The following ADGRB3 variants were observed in gnomAD, a reference collection of about 807,000 sequenced individuals.
ADGRB3 encodes brain-specific angiogenesis inhibitor 3.
In ADGRB3, 37 loss-of-function variants were observed where a neutral mutation model predicts 193.4. That is an observed-to-expected ratio of 0.19 (90% confidence interval 0.15 to 0.25). ADGRB3 has a LOEUF of 0.25. ADGRB3 is among the 10% of genes least tolerant of loss of function. The pLI is 1.00. For synonymous variants in ADGRB3, 690 were observed against 644.2 expected (o/e 1.07, Z -1.08); for missense variants, 1,637 against 1,852.9 (o/e 0.88, Z 2.14).
At chr6:68,989,855 G>T (rs778229722) in intron 10 of ADGRB3, among the ~76,000 whole-genome samples, 10 of 152,066 alleles carry the variant, frequency 6.6e-5, no homozygotes, top group African/African-American at 1.4e-4. Flanking sequence ...CTCTGATATT[G>T]ATTTTGAAGA....
intron 20 of ADGRB3, among the ~76,000 whole-genome samples, chr6:69,274,445 T>TTTCCTTCCTTCCTTCCTTCC (rs550005820): frequency 0.016 from 1,989 of 123,366 alleles, 95 homozygotes; most frequent in African/African-American, 0.039. Flanking sequence ...GGTGGTTGCA[T>TTTCCTTCCTTCCTTCCTTCC]TTCCTTCCTT....
At chr6:68,981,452 T>G (rs1768906870) in intron 10 of ADGRB3, among the ~76,000 whole-genome samples, 1 of 151,630 alleles carries the variant, frequency 6.6e-6, no homozygotes, top group Non-Finnish European at 1.5e-5. Context: ...TATGTCAGAG[T>G]TTACAACATA....
chr6:69,257,371 C>T (rs1045205983), intron 20 of ADGRB3, among the ~76,000 whole-genome samples: 4 of 152,292 alleles, frequency 2.6e-5, no homozygotes, highest in Non-Finnish European at 4.4e-5. Flanking sequence ...ATTATTGCCA[C>T]AATTTCAGAG....
chr6:69,052,360 T>C (rs1562138668), intron 15 of ADGRB3, among the ~76,000 whole-genome samples: 1 of 152,234 alleles, frequency 6.6e-6, no homozygotes, highest in African/African-American at 2.4e-5. Context: ...AAGATCTTCT[T>C]ATTCAACATA....
At chr6:69,170,660 T>C (rs1183606237) in intron 17 of ADGRB3, among the ~76,000 whole-genome samples, 1 of 152,182 alleles carries the variant, frequency 6.6e-6, no homozygotes, top group Admixed American at 6.5e-5. Flanking sequence ...GAAAAGGTGT[T>C]CTCTGCCGTA....
At chr6:69,349,024 G>A (rs1769167851) in intron 26 of ADGRB3, among the ~76,000 whole-genome samples, 1 of 152,144 alleles carries the variant, frequency 6.6e-6, no homozygotes, top group Non-Finnish European at 1.5e-5. Flanking sequence ...TCCATTCCCA[G>A]CTCTGCTACT....
At chr6:69,191,309 C>A (rs59188977) in intron 17 of ADGRB3, among the ~76,000 whole-genome samples, 339 of 151,978 alleles carry the variant, frequency 2.2e-3, no homozygotes, top group African/African-American at 7.7e-3. Context: ...GAGCCTTTTT[C>A]AATACAAAAG....
chr6:69,378,749 G>A (rs927584786), intron 30 of ADGRB3, among the ~76,000 whole-genome samples: 1 of 151,936 alleles, frequency 6.6e-6, no homozygotes, highest in Non-Finnish European at 1.5e-5. Context: ...ATCCAACTTG[G>A]AGAAATATGC....
At chr6:69,073,980 C>A (rs774360122) in intron 16 of ADGRB3, among the ~76,000 whole-genome samples, 1 of 152,052 alleles carries the variant, frequency 6.6e-6, no homozygotes, top group Non-Finnish European at 1.5e-5. Flanking sequence ...ACATGACAAT[C>A]GTGATTTAAT....
chr6:68,721,492 G>A (rs993418161), intron 3 of ADGRB3, among the ~76,000 whole-genome samples: 1 of 151,436 alleles, frequency 6.6e-6, no homozygotes, highest in Non-Finnish European at 1.5e-5. Context: ...GGGGGCAGGG[G>A]GGAGGGATAG....
rs1257398915 is a variant in ADGRB3 at position 68,661,452 on chromosome 6, CAT to C, written c.757+22027_757+22028del. Among the ~76,000 whole-genome samples, 17 of 81,792 alleles carry C rather than the reference CAT, an allele frequency of 2.1e-4. 3 individuals carry two copies. The South Asian group carries it at 5.3e-3, about 25-fold the overall frequency. The allele number at this position is 81,792 out of a possible 152,430, so 53.7% of individuals were successfully genotyped here. On this transcript the variant is annotated intron_variant, in intron 3 of 31. Transcript: ENST00000370598. ...GTATACATATATATATGTGTGTATACATATATATGTGTGTATATATATGTGTA... is the reference window on the plus strand; with the variant it reads ...GTATACATATATATATGTGTGTATACATATATGTGTGTATATATATGTGTA...
intron 17 of ADGRB3, among the ~76,000 whole-genome samples, chr6:69,129,901 C>T (rs1341273776): frequency 1.3e-5 from 2 of 152,082 alleles, no homozygotes; most frequent in Non-Finnish European, 2.9e-5. Context: ...TGTTTCATTA[C>T]CTTTTCCCTT....
At chr6:69,356,534 A>G (rs1769341080) in intron 28 of ADGRB3, among the ~76,000 whole-genome samples, 1 of 152,094 alleles carries the variant, frequency 6.6e-6, no homozygotes, top group Non-Finnish European at 1.5e-5. Flanking sequence ...AAGAGAAATG[A>G]GAGAAAAACT....
chr6:68,789,219 C>A (rs1342220645), intron 3 of ADGRB3, among the ~76,000 whole-genome samples: 2 of 152,028 alleles, frequency 1.3e-5, no homozygotes, highest in Non-Finnish European at 2.9e-5. Flanking sequence ...GGTTATTTTG[C>A]TCGTTAGTTG....
chr6:69,021,298 T>C lies in ADGRB3; in HGVS notation c.2107+2799T>C, dbSNP rs9363979. On this transcript the variant is annotated intron_variant, in intron 13 of 31. Coordinates refer to ENST00000370598, the MANE Select transcript of ADGRB3 (RefSeq NM_001704.3). ...TATTTTTTCATAAAGTCTATATGTA[T>C]AGCTGCCTCACTTTTCTGACTATAG... 2.0e-3 allele frequency among the ~76,000 whole-genome samples: 306 copies of C among 152,058 alleles called. 2 individuals are homozygous for C. The East Asian group carries it at 0.047, about 23-fold the overall frequency.
intron 3 of ADGRB3, among the ~76,000 whole-genome samples, chr6:68,814,054 T>A (rs1338600558): frequency 6.6e-6 from 1 of 152,202 alleles, no homozygotes; most frequent in Non-Finnish European, 1.5e-5. Flanking sequence ...TGATTTATAA[T>A]CCTTTGGGTA....
chr6:69,114,792 G>C (rs1053161550), intron 17 of ADGRB3, among the ~76,000 whole-genome samples: 2 of 151,964 alleles, frequency 1.3e-5, no homozygotes, highest in African/African-American at 4.8e-5. Flanking sequence ...GCTTCTTTTT[G>C]TCAGGTTTGT....
chr6:68,899,902 T>C (rs1766346501), intron 3 of ADGRB3, among the ~76,000 whole-genome samples: 1 of 152,080 alleles, frequency 6.6e-6, no homozygotes, highest in Non-Finnish European at 1.5e-5. Context: ...TAAAGAACTC[T>C]AATGAATTCA....
chr6:69,147,583 G>A (rs745920690), intron 17 of ADGRB3, among the ~76,000 whole-genome samples: 1 of 152,156 alleles, frequency 6.6e-6, no homozygotes, highest in Non-Finnish European at 1.5e-5. Context: ...CCTTGGGAAT[G>A]AACTACATGC....
Sources: allele counts gnomAD v4.1 joint callset (sites outside exome capture counted in the v4.1 genomes callset), GRCh38; gene constraint gnomAD v4.1.1; transcripts MANE v1.5; gene names NCBI Gene and HGNC (gene_info 2026-07-23, HGNC 2026-07-21).